The following MALRD1 variants were observed in gnomAD, a reference collection of about 807,000 sequenced individuals.
The protein encoded by MALRD1 is MAM and LDL receptor class A domain containing 1.
In MALRD1, 247 loss-of-function variants were observed where a neutral mutation model predicts 242.1. That is an observed-to-expected ratio of 1.02 (90% CI 0.92 to 1.13). MALRD1 has a LOEUF of 1.13. Among genes scored for constraint, MALRD1 ranks in the 50% most tolerant of loss-of-function variants. MALRD1 has a pLI of 0.00. For synonymous variants in MALRD1, 995 were observed against 866.6 expected, an observed-to-expected ratio of 1.15 and a Z score of -2.60; for missense variants, 2,989 against 2,533.1, an observed-to-expected ratio of 1.18 and a Z score of -3.86.
chr10:19,308,985 T>G (rs1245145720), intron 21 of MALRD1, among the ~76,000 whole-genome samples: 1 of 151,642 alleles, frequency 6.6e-6, no homozygotes. Flanking sequence ...AATGAAGATA[T>G]ATTTTGTAAT....
intron 28 of MALRD1, among the ~76,000 whole-genome samples, chr10:19,431,282 C>T (rs377472460): frequency 1.1e-4 from 16 of 152,070 alleles, no homozygotes; most frequent in South Asian, 2.1e-4. Flanking sequence ...GTTGTTTTAG[C>T]GTAAGGTTCA....
intron 14 of MALRD1, among the ~76,000 whole-genome samples, chr10:19,176,986 C>T (rs1401498521): frequency 6.6e-6 from 1 of 151,782 alleles, no homozygotes; most frequent in Non-Finnish European, 1.5e-5. Flanking sequence ...TTTAAAGATT[C>T]ATGAGTTTGG....
rs1049971172 is a variant in MALRD1 at position 19,222,011 on chromosome 10, A to G, written c.2991+12331A>G. Among the ~76,000 whole-genome samples, 14 of 152,144 alleles carry G rather than the reference A, an allele frequency of 9.2e-5. 1 individual carries two copies. Among genetic ancestry groups the G allele is most frequent in the African/African-American group, 3.4e-4 (14 of 41,446 alleles). On this transcript the variant is annotated intron_variant, in intron 18 of 39. Coordinates refer to ENST00000454679, the MANE Select transcript of MALRD1 (RefSeq NM_001142308.3). ...ACCGAGTGTGAACATAAATGCTTTC[A>G]ATTCAGTTTGTCTCTGAATCCTTCT...
chr10:19,062,565 TATATG>T lies in MALRD1; in HGVS notation c.200-4147_200-4143del, dbSNP rs375953301. Among the ~76,000 whole-genome samples the T allele has an allele frequency of 1.7e-3, 266 of 152,310 alleles. 1 individual carries two copies. Among genetic ancestry groups the T allele is most frequent in the Middle Eastern group, 0.01 (3 of 294 alleles). ...ACAGATGAATGGATAAACCAAATTT[TATATG>T]ATATGACATAGATCAACCTTGAAGA... On this transcript the variant is annotated intron_variant, in intron 1 of 39. Coordinates refer to ENST00000454679, the MANE Select transcript of MALRD1 (RefSeq NM_001142308.3).
intron 14 of MALRD1, among the ~76,000 whole-genome samples, chr10:19,193,841 A>AATAT (rs55923609): frequency 1.7e-4 from 26 of 149,730 alleles, no homozygotes; most frequent in East Asian, 1.2e-3. Flanking sequence ...GGGGAAAAAA[A>AATAT]ATATATATAT....
At chr10:19,161,071 C>T (rs775568391) in intron 12 of MALRD1, among the ~76,000 whole-genome samples, 2,720 of 146,944 alleles carry the variant, frequency 0.019, 23 homozygotes, top group Middle Eastern at 0.036. Context: ...TATTGCGGCA[C>T]TATTCACAAT....
At chr10:19,705,576 A>G (rs1049378618) in intron 38 of MALRD1, among the ~76,000 whole-genome samples, 1 of 152,148 alleles carries the variant, frequency 6.6e-6, no homozygotes, top group African/African-American at 2.4e-5. Flanking sequence ...TTGAGCAAGA[A>G]AAGGGAAATT....
At chr10:19,549,776 T>C (rs935187252) in intron 32 of MALRD1, among the ~76,000 whole-genome samples, 1 of 152,190 alleles carries the variant, frequency 6.6e-6, no homozygotes, top group African/African-American at 2.4e-5. Context: ...TTTCATTTAA[T>C]AGCAGTGGAA....
chr10:19,679,475 G>A (rs1842272510), intron 36 of MALRD1, among the ~76,000 whole-genome samples: 1 of 152,206 alleles, frequency 6.6e-6, no homozygotes, highest in South Asian at 2.1e-4. Context: ...TCTGATGATT[G>A]TTTGTATTTC....
chr10:19,530,017 A>G (rs999762816), intron 31 of MALRD1, among the ~76,000 whole-genome samples: 4 of 151,960 alleles, frequency 2.6e-5, no homozygotes, highest in African/African-American at 7.2e-5. Context: ...TCCAATCCCA[A>G]GTTATTTTGT....
At chr10:19,725,483 A>G (rs534748490) in intron 38 of MALRD1, among the ~76,000 whole-genome samples, 3 of 152,270 alleles carry the variant, frequency 2.0e-5, no homozygotes, top group Admixed American at 6.5e-5. Context: ...TCCTTTATAA[A>G]TTACCCAGGC....
chr10:19,180,209 T>C (rs1167453423), intron 14 of MALRD1, among the ~76,000 whole-genome samples: 1 of 152,152 alleles, frequency 6.6e-6, no homozygotes, highest in Non-Finnish European at 1.5e-5. Flanking sequence ...TTGGAGAGAC[T>C]CTTTCCTCTG....
intron 5 of MALRD1, among the ~76,000 whole-genome samples, chr10:19,120,834 C>A (rs1330619392): frequency 1.3e-5 from 2 of 152,234 alleles, no homozygotes; most frequent in South Asian, 4.2e-4. Context: ...AACCCTGCCT[C>A]CCGGGTTCAA....
At chr10:19,373,203 C>CAAAAAAAGAAAAAA (rs1845458873) in intron 26 of MALRD1, among the ~76,000 whole-genome samples, 1 of 114,886 alleles carries the variant, frequency 8.7e-6, no homozygotes, top group African/African-American at 3.4e-5. Context: ...ACGCTAAATA[C>CAAAAAAAGAAAAAA]AAAAAAAAAA....
At chr10:19,619,008 A>C (rs1288638513) in intron 36 of MALRD1, among the ~76,000 whole-genome samples, 2 of 151,992 alleles carry the variant, frequency 1.3e-5, no homozygotes, top group South Asian at 4.1e-4. Context: ...AATACAGCTT[A>C]CCAGCAGACC....
Position 19,165,931 on chromosome 10 carries a change from A to G in MALRD1, c.1830+121A>G, listed in dbSNP as rs187999809. 202 of 649,898 alleles carry G rather than the reference A, an allele frequency of 3.1e-4. 2 individuals are homozygous for G. In the South Asian group the frequency reaches 9.9e-3, roughly 32 times the overall value. The allele number at this position is 649,898 out of a possible 1,614,324, so 40.3% of individuals were successfully genotyped here. On this transcript the variant is annotated intron_variant, in intron 13 of 39. Coordinates refer to ENST00000454679, the MANE Select transcript of MALRD1 (RefSeq NM_001142308.3). Reference sequence around the variant, plus strand: ...TCAGGTGAGCACATATGAAATTAATACAATGCAACAGAAGACACTTATTTA... The same window carrying G: ...TCAGGTGAGCACATATGAAATTAATGCAATGCAACAGAAGACACTTATTTA...
intron 26 of MALRD1, among the ~76,000 whole-genome samples, chr10:19,384,974 T>C (rs1421363550): frequency 6.6e-6 from 1 of 151,660 alleles, no homozygotes; most frequent in Non-Finnish European, 1.5e-5. Context: ...TATTATGAAA[T>C]GGTGTTGAAT....
intron 18 of MALRD1, among the ~76,000 whole-genome samples, chr10:19,249,985 A>G (rs1403317584): frequency 6.6e-6 from 1 of 152,050 alleles, no homozygotes; most frequent in Non-Finnish European, 1.5e-5. Flanking sequence ...AATGAAAGGC[A>G]TATGATGATT....
chr10:19,056,354 CTTAAGT>C (rs1834667029), intron 1 of MALRD1, among the ~76,000 whole-genome samples: 1 of 150,472 alleles, frequency 6.6e-6, no homozygotes, highest in Admixed American at 6.6e-5. Context: ...ATTGTGTTTC[CTTAAGT>C]TTAATTCTCG....
Sources: gnomAD v4.1 joint callset for allele counts (sites outside exome capture counted in the v4.1 genomes callset) on GRCh38, gnomAD v4.1.1 for gene constraint, MANE v1.5 for transcripts, NCBI Gene and HGNC (gene_info 2026-07-23, HGNC 2026-07-21) for gene names.